Variants in GNA12 observed in about 807,000 individuals in gnomAD.
The protein encoded by GNA12 is G protein subunit alpha 12, also known as guanine nucleotide-binding protein subunit alpha-12.
Under a neutral mutation model 26.0 loss-of-function variants are expected in GNA12, and 9 were observed. The observed-to-expected ratio is 0.35, with a 90% CI of 0.21 to 0.60. The LOEUF is 0.60. Among genes scored for constraint, GNA12 ranks in the 20% least tolerant of loss-of-function variants. The pLI is 0.78. For missense variants in GNA12, 405 were observed against 525.8 expected (o/e 0.77, Z 2.25); for synonymous variants, 264 against 219.6 (o/e 1.20, Z -1.79).
intron 2 of GNA12, among the ~76,000 whole-genome samples, chr7:2,734,738 C>G (rs1273194752): frequency 1.3e-5 from 2 of 152,202 alleles, no homozygotes; most frequent in East Asian, 1.9e-4. Context: ...TTTGAGGGGA[C>G]AGAAACACAC....
chr7:2,737,275 T>G (rs1445530705), intron 2 of GNA12, among the ~76,000 whole-genome samples: 1 of 39,724 alleles, frequency 2.5e-5, no homozygotes, highest in African/African-American at 8.7e-5. Flanking sequence ...TTTTGTTTTG[T>G]TTTTTTTTTT....
intron 1 of GNA12, among the ~76,000 whole-genome samples, chr7:2,825,374 ACAGAAG>A (rs1289661283): frequency 6.6e-6 from 1 of 152,352 alleles, no homozygotes; most frequent in South Asian, 2.1e-4. Context: ...CAGAGAGCTG[ACAGAAG>A]CAGGAGAGAG....
chr7:2,759,342 T>G (rs1193715238), intron 2 of GNA12, among the ~76,000 whole-genome samples: 2 of 152,132 alleles, frequency 1.3e-5, no homozygotes. Flanking sequence ...ACCTTGCACT[T>G]CCTATGTGCC....
intron 1 of GNA12, among the ~76,000 whole-genome samples, chr7:2,837,730 G>C (rs919451265): frequency 2.0e-5 from 3 of 152,084 alleles, no homozygotes; most frequent in African/African-American, 4.8e-5. Flanking sequence ...AGAATCTGTT[G>C]CAAGCAAACT....
chr7:2,755,117 G>A (rs1432612391), intron 2 of GNA12, among the ~76,000 whole-genome samples: 1 of 152,036 alleles, frequency 6.6e-6, no homozygotes, highest in African/African-American at 2.4e-5. Flanking sequence ...GGTCTGTCCA[G>A]TGACCTCGTG....
At chr7:2,779,129 C>T (rs887742343) in intron 2 of GNA12, among the ~76,000 whole-genome samples, 2 of 152,096 alleles carry the variant, frequency 1.3e-5, no homozygotes, top group African/African-American at 2.4e-5. Flanking sequence ...GAGGCCAAGG[C>T]GGGTGAATCA....
intron 2 of GNA12, among the ~76,000 whole-genome samples, chr7:2,790,606 G>A (rs756779210): frequency 2.6e-5 from 4 of 151,934 alleles, no homozygotes; most frequent in Admixed American, 6.6e-5. Context: ...ATTCAGGTCA[G>A]GATCCACACA....
intron 1 of GNA12, among the ~76,000 whole-genome samples, chr7:2,806,964 T>C (rs925380517): frequency 3.9e-5 from 6 of 152,270 alleles, no homozygotes; most frequent in African/African-American, 1.4e-4. Flanking sequence ...GAGGTTTTGA[T>C]AAATATTACT....
chr7:2,747,066 T>A (rs1178404095), intron 2 of GNA12, among the ~76,000 whole-genome samples: 1 of 152,146 alleles, frequency 6.6e-6, no homozygotes, highest in East Asian at 1.9e-4. Flanking sequence ...GCAGATGGAT[T>A]CAACAGCCGA....
At chr7:2,779,134 G>A (rs1232564346) in intron 2 of GNA12, among the ~76,000 whole-genome samples, 3 of 152,156 alleles carry the variant, frequency 2.0e-5, no homozygotes, top group African/African-American at 7.2e-5. Context: ...CAAGGCGGGT[G>A]AATCACTTGA....
chr7:2,814,491 C>A, intron 1 of GNA12: 2 of 794,256 alleles, frequency 2.5e-6, no homozygotes, highest in East Asian at 5.1e-5. Context: ...CAAATAAAAT[C>A]AAAGACACAA....
At chr7:2,768,969 G>A (rs925127837) in intron 2 of GNA12, among the ~76,000 whole-genome samples, 6 of 152,130 alleles carry the variant, frequency 3.9e-5, no homozygotes, top group East Asian at 1.9e-4. Flanking sequence ...TCCGTTGTCC[G>A]GGCTGATCTC....
At chr7:2,819,016 A>C (rs960614780) in intron 1 of GNA12, among the ~76,000 whole-genome samples, 1 of 152,180 alleles carries the variant, frequency 6.6e-6, no homozygotes, top group Non-Finnish European at 1.5e-5. Flanking sequence ...TAAGGCTACC[A>C]ATCAGCTGAG....
chr7:2,839,430 C>G (rs1446612753), intron 1 of GNA12, among the ~76,000 whole-genome samples: 3 of 152,162 alleles, frequency 2.0e-5, no homozygotes, highest in African/African-American at 7.2e-5. Context: ...GTCGCCCAGG[C>G]TGGAGTACAG....
intron 1 of GNA12, chr7:2,835,583 C>A: frequency 3.5e-6 from 2 of 566,488 alleles, no homozygotes; most frequent in Non-Finnish European, 3.2e-6. Context: ...CGCTTGGGGG[C>A]AAAGTCCCAT....
At chr7:2,747,657 G>C (rs112128484) in intron 2 of GNA12, among the ~76,000 whole-genome samples, 1 of 152,184 alleles carries the variant, frequency 6.6e-6, no homozygotes, top group Non-Finnish European at 1.5e-5. Flanking sequence ...TATAGTGTTG[G>C]AAGTCCTAGG....
intron 1 of GNA12, among the ~76,000 whole-genome samples, chr7:2,818,990 T>C: frequency 6.6e-6 from 1 of 151,980 alleles, no homozygotes; most frequent in African/African-American, 2.4e-5. Flanking sequence ...AGGTGAAAGG[T>C]CTTTGCAGAG....
At chr7:2,825,505 C>T (rs1793463897) in intron 1 of GNA12, among the ~76,000 whole-genome samples, 1 of 152,130 alleles carries the variant, frequency 6.6e-6, no homozygotes, top group Non-Finnish European at 1.5e-5. Context: ...ATGAAGACGC[C>T]ATGAAGAAGA....
chr7:2,805,842 A>C (rs1792933431), intron 1 of GNA12, among the ~76,000 whole-genome samples: 1 of 152,232 alleles, frequency 6.6e-6, no homozygotes, highest in African/African-American at 2.4e-5. Flanking sequence ...CTATCTTGGC[A>C]GCCCAGCAAG....
Sources: allele counts gnomAD v4.1 joint callset (sites outside exome capture counted in the v4.1 genomes callset), GRCh38; gene constraint gnomAD v4.1.1; transcripts MANE v1.5; gene names NCBI Gene and HGNC (gene_info 2026-07-23, HGNC 2026-07-21).